ST6GALNAC3: variants seen among roughly 807,000 people sequenced by gnomAD.
ST6GALNAC3 encodes ST6 N-acetylgalactosaminide alpha-2,6-sialyltransferase 3, also known as alpha-N-acetylgalactosaminide alpha-2,6-sialyltransferase 3.
A neutral mutation model predicts 32.7 loss-of-function variants in ST6GALNAC3; 25 were observed. The ratio of observed to expected loss-of-function variants is 0.76; its 90% confidence interval spans 0.56 to 1.07. ST6GALNAC3 has a LOEUF of 1.07. ST6GALNAC3 is among the 50% of genes least tolerant of loss of function. The pLI, the probability that ST6GALNAC3 is intolerant of heterozygous loss-of-function variation, is 0.00. For synonymous variants in ST6GALNAC3, 129 were observed against 133.1 expected, an observed-to-expected ratio of 0.97 and a Z score of 0.21; for missense variants, 355 against 382.4, an observed-to-expected ratio of 0.93 and a Z score of 0.60.
At chr1:76,090,345 A>T (rs866447401) in intron 1 of ST6GALNAC3, among the ~76,000 whole-genome samples, 1 of 152,258 alleles carries the variant, frequency 6.6e-6, no homozygotes, top group Non-Finnish European at 1.5e-5. Flanking sequence ...TGGTGGAATT[A>T]GTCTCACTGA....
chr1:76,388,596 AT>A (rs1213722865), intron 2 of ST6GALNAC3, among the ~76,000 whole-genome samples: 1 of 151,898 alleles, frequency 6.6e-6, no homozygotes. Context: ...TTTGCTATCT[AT>A]TTTTTTCCAG....
intron 3 of ST6GALNAC3, among the ~76,000 whole-genome samples, chr1:76,427,602 A>G (rs530213242): frequency 7.9e-5 from 12 of 152,238 alleles, no homozygotes; most frequent in African/African-American, 2.4e-4. Context: ...GGGGAGGGAC[A>G]CTGGTCCATA....
chr1:76,542,718 A>G (rs1332237107), intron 3 of ST6GALNAC3, among the ~76,000 whole-genome samples: 1 of 152,168 alleles, frequency 6.6e-6, no homozygotes, highest in Non-Finnish European at 1.5e-5. Flanking sequence ...AATAATATCC[A>G]TCTAATAGAT....
chr1:76,146,746 C>G (rs991403072), intron 1 of ST6GALNAC3, among the ~76,000 whole-genome samples: 2 of 152,198 alleles, frequency 1.3e-5, no homozygotes. Flanking sequence ...TTAATTTAGA[C>G]AGTTAAATAT....
chr1:76,278,401 T>C (rs1247369922), intron 1 of ST6GALNAC3, among the ~76,000 whole-genome samples: 1 of 151,940 alleles, frequency 6.6e-6, no homozygotes, highest in East Asian at 1.9e-4. Context: ...TTTTGTATTT[T>C]TAGTAGAGAC....
intron 3 of ST6GALNAC3, among the ~76,000 whole-genome samples, chr1:76,435,607 A>G (rs1167068189): frequency 6.6e-6 from 1 of 152,152 alleles, no homozygotes; most frequent in Non-Finnish European, 1.5e-5. Flanking sequence ...ACTCTCTCTG[A>G]ATAATGTTAT....
intron 1 of ST6GALNAC3, among the ~76,000 whole-genome samples, chr1:76,198,924 G>C (rs1390715508): frequency 1.3e-5 from 2 of 152,128 alleles, no homozygotes; most frequent in East Asian, 3.9e-4. Flanking sequence ...GAAGGCCTGG[G>C]GACTAAGAGC....
intron 1 of ST6GALNAC3, among the ~76,000 whole-genome samples, chr1:76,216,110 C>T (rs760369061): frequency 1.2e-4 from 18 of 152,174 alleles, no homozygotes; most frequent in Non-Finnish European, 2.4e-4. Context: ...TGCACCATCT[C>T]AGGGTCTTTG....
chr1:76,616,067 G>C (rs990713436), intron 3 of ST6GALNAC3, among the ~76,000 whole-genome samples: 1 of 152,154 alleles, frequency 6.6e-6, no homozygotes, highest in Non-Finnish European at 1.5e-5. Context: ...GGTATGGGGA[G>C]GGTGTGCACA....
intron 1 of ST6GALNAC3, among the ~76,000 whole-genome samples, chr1:76,075,099 C>T (rs1007673418): frequency 6.6e-6 from 1 of 152,232 alleles, no homozygotes; most frequent in Non-Finnish European, 1.5e-5. Flanking sequence ...CTCCTGCTCG[C>T]GCCTGCATTG....
chr1:76,191,114 A>C (rs2100504233), intron 1 of ST6GALNAC3, among the ~76,000 whole-genome samples: 1 of 152,290 alleles, frequency 6.6e-6, no homozygotes. Flanking sequence ...ATGGTCATGA[A>C]GAAAGTGGAG....
rs549970632 is a variant in ST6GALNAC3, at chr1:76,362,194, G to A, written c.213+48195G>A. Reference sequence around the variant, plus strand: ...TGGCCAGAGCAGGAAGAAGAGAGGCGGAAGTGCTACACATGTTTAAACAAC... The same window carrying A: ...TGGCCAGAGCAGGAAGAAGAGAGGCAGAAGTGCTACACATGTTTAAACAAC... On this transcript the variant is annotated intron_variant, in intron 2 of 4. Transcript: ENST00000328299. Among the ~76,000 whole-genome samples, 12 of 152,026 alleles carry A rather than the reference G, an allele frequency of 7.9e-5. No individual in the cohort carries two copies. In the East Asian group the frequency reaches 1.5e-3, roughly 20 times the overall value.
At chr1:76,145,027 A>G (rs937678514) in intron 1 of ST6GALNAC3, among the ~76,000 whole-genome samples, 3 of 152,342 alleles carry the variant, frequency 2.0e-5, no homozygotes, top group South Asian at 2.1e-4. Context: ...AGAATCAGCC[A>G]GACATTTATA....
chr1:76,541,607 A>G (rs1349533244), intron 3 of ST6GALNAC3, among the ~76,000 whole-genome samples: 1 of 152,236 alleles, frequency 6.6e-6, no homozygotes, highest in African/African-American at 2.4e-5. Context: ...TGTGGCTTTC[A>G]AGGGCCTTGC....
intron 2 of ST6GALNAC3, among the ~76,000 whole-genome samples, chr1:76,324,722 A>G (rs1647034169): frequency 6.6e-6 from 1 of 152,180 alleles, no homozygotes. Context: ...CATTAGATCA[A>G]AACTAAGTAT....
At chr1:76,562,778 T>C (rs773999485) in intron 3 of ST6GALNAC3, among the ~76,000 whole-genome samples, 1 of 152,220 alleles carries the variant, frequency 6.6e-6, no homozygotes, top group South Asian at 2.1e-4. Flanking sequence ...CTGGAGATTA[T>C]AGACTGTATC....
chr1:76,077,866 G>A (rs1289838520), intron 1 of ST6GALNAC3, among the ~76,000 whole-genome samples: 1 of 152,198 alleles, frequency 6.6e-6, no homozygotes, highest in Non-Finnish European at 1.5e-5. Context: ...GGGGTAGCCT[G>A]TTCTGATTCC....
chr1:76,610,101 C>A (rs1253610013), intron 3 of ST6GALNAC3, among the ~76,000 whole-genome samples: 2 of 152,150 alleles, frequency 1.3e-5, no homozygotes, highest in African/African-American at 4.8e-5. Context: ...GGGAAATGAT[C>A]CATATTTTTC....
chr1:76,292,556 A>G (rs556899559), intron 1 of ST6GALNAC3, among the ~76,000 whole-genome samples: 2 of 152,318 alleles, frequency 1.3e-5, no homozygotes, highest in Non-Finnish European at 2.9e-5. Context: ...TACTTGTTGC[A>G]ATTTTTAAAG....
Sources: allele counts gnomAD v4.1 joint callset (sites outside exome capture counted in the v4.1 genomes callset), GRCh38; gene constraint gnomAD v4.1.1; transcripts MANE v1.5; gene names NCBI Gene and HGNC (gene_info 2026-07-23, HGNC 2026-07-21).